SCN10A: variants seen among roughly 807,000 people sequenced by gnomAD.
SCN10A encodes the protein sodium voltage-gated channel alpha subunit 10.
A neutral mutation model predicts 170.7 loss-of-function variants in SCN10A; 162 were observed. That is an observed-to-expected ratio of 0.95 (90% CI 0.84 to 1.08). The LOEUF is 1.08. Among genes scored for constraint, SCN10A ranks in the 50% least tolerant of loss-of-function variants. SCN10A has a pLI of 0.00. For synonymous variants in SCN10A, 985 were observed against 904.6 expected (o/e 1.09, Z -1.59); for missense variants, 2,527 against 2,436.9 (o/e 1.04, Z -0.78).
In SCN10A at chr3:38,727,021, T is replaced by C; in HGVS notation, c.2672A>G (p.Asn891Ser). 1 of 1,612,452 alleles carries C rather than the reference T, an allele frequency of 6.2e-7. No homozygotes were observed. The highest frequency in any genetic ancestry group is 8.5e-7 in the Non-Finnish European group (1 of 1,178,858). ...TGTGAGGTTGTCAGCACTGAAAGAG[T>C]TCAATAGCAGGGCGATGAACAGGTT... Reference protein sequence around the residue: ...VLNLFIALLLNSFSADNLTAP... With the variant: ...VLNLFIALLLSSFSADNLTAP... Residue 891 changes from asparagine to serine, a missense_variant, in exon 17 of 28, where the codon AAC (asparagine) becomes AGC (serine). Asn to Ser is a conservative substitution (Grantham distance 46). Coordinates refer to ENST00000449082, the MANE Select transcript of SCN10A (RefSeq NM_006514.4).
intron 21 of SCN10A, 27 bp downstream of exon 21, chr3:38,718,626 C>A: frequency 2.5e-6 from 4 of 1,612,262 alleles, no homozygotes; most frequent in Non-Finnish European, 3.4e-6. Context: ...GACCCCAAAC[C>A]CCACGTGTTC....
chr3:38,732,155 T>C (rs1049491751), intron 15 of SCN10A, among the ~76,000 whole-genome samples: 1 of 152,250 alleles, frequency 6.6e-6, no homozygotes, highest in African/African-American at 2.4e-5. Flanking sequence ...ACTGGTCATA[T>C]AGTCTCCATT....
intron 1 of SCN10A, among the ~76,000 whole-genome samples, chr3:38,797,764 C>A (rs559526397): frequency 1.3e-5 from 2 of 152,274 alleles, no homozygotes; most frequent in African/African-American, 4.8e-5. Context: ...CACTGGAATG[C>A]AATGTTGAGG....
intron 26 of SCN10A, 43 bp downstream of exon 26, chr3:38,707,236 G>C: frequency 6.3e-7 from 1 of 1,592,302 alleles, no homozygotes. Context: ...TGTCATGTTG[G>C]ATTCACAGAC....
At chr3:38,756,317 G>C (rs985681290) in intron 10 of SCN10A, among the ~76,000 whole-genome samples, 4 of 151,892 alleles carry the variant, frequency 2.6e-5, no homozygotes, top group Admixed American at 6.6e-5. Flanking sequence ...AAAAAAGCTG[G>C]CCCCCTTGCC....
At chr3:38,701,005 C>G (rs140705012) in intron 27 of SCN10A, among the ~76,000 whole-genome samples, 1 of 152,132 alleles carries the variant, frequency 6.6e-6, no homozygotes, top group South Asian at 2.1e-4. Flanking sequence ...CAGCTTCAAC[C>G]CTTGGAAACT....
intron 4 of SCN10A, among the ~76,000 whole-genome samples, chr3:38,784,153 A>G (rs1011025364): frequency 1.3e-5 from 2 of 152,072 alleles, no homozygotes; most frequent in African/African-American, 2.4e-5. Flanking sequence ...TCTTAATTAT[A>G]GTATACTAAA....
chr3:38,739,420 A>T, intron 15 of SCN10A, 95 bp downstream of exon 15: 1 of 1,122,682 alleles, frequency 8.9e-7, no homozygotes, highest in Non-Finnish European at 1.3e-6. Context: ...AGGACAGGAG[A>T]GGAAGGGGGA....
At chr3:38,713,876 C>A in intron 22 of SCN10A, 82 bp downstream of exon 22, 1 of 1,561,878 alleles carries the variant, frequency 6.4e-7, no homozygotes, top group South Asian at 1.1e-5. Context: ...GATCCGCCCG[C>A]CTCAGCCTCC....
chr3:38,761,862 G>A (rs1460283810), intron 6 of SCN10A, among the ~76,000 whole-genome samples: 13 of 146,590 alleles, frequency 8.9e-5, no homozygotes, highest in African/African-American at 3.1e-4. Flanking sequence ...GAGAGAGAGA[G>A]AGAAAGAGAG....
intron 25 of SCN10A, among the ~76,000 whole-genome samples, 158 bp downstream of exon 25, chr3:38,709,320 C>T (rs968789275): frequency 8.5e-5 from 13 of 152,144 alleles, no homozygotes; most frequent in Non-Finnish European, 1.6e-4. Context: ...TGCAACTCTT[C>T]CTGCAACAGC....
At position 38,712,224 on chromosome 3, in the gene SCN10A, G is replaced by A; in HGVS notation, c.4026C>T (p.Phe1342=). The A allele has an allele frequency of 1.2e-6, 2 of 1,614,222 alleles. No homozygotes were observed. Among genetic ancestry groups the A allele is most frequent in the Non-Finnish European group, 1.7e-6 (2 of 1,180,034 alleles). ...CKIQNSTGSF[F]WVNVKVNFDN... Reference sequence around the variant, plus strand: ...CAAAGTTGACTTTCACATTGACCCAGAAGAAGCTGCCAGTGGAGTTTTGAA... The same window carrying A: ...CAAAGTTGACTTTCACATTGACCCAAAAGAAGCTGCCAGTGGAGTTTTGAA... The change falls in exon 23 of 28, where the codon TTC becomes TTT. Residue 1342 remains phenylalanine (F), a synonymous_variant. Transcript: ENST00000449082.
chr3:38,746,936 C>G (rs1440906731), intron 13 of SCN10A, among the ~76,000 whole-genome samples: 1 of 152,144 alleles, frequency 6.6e-6, no homozygotes, highest in African/African-American at 2.4e-5. Flanking sequence ...TTGTCAAACT[C>G]CTGTTGGTTT....
intron 4 of SCN10A, among the ~76,000 whole-genome samples, chr3:38,780,609 T>C (rs1351301879): frequency 1.3e-5 from 2 of 152,148 alleles, no homozygotes; most frequent in East Asian, 3.8e-4. Flanking sequence ...CTTAAATAAA[T>C]GTGACCATGT....
chr3:38,766,829 T>A (rs1447208567), intron 5 of SCN10A, among the ~76,000 whole-genome samples: 1 of 152,188 alleles, frequency 6.6e-6, no homozygotes, highest in East Asian at 1.9e-4. Context: ...GAATGTCTGA[T>A]AGAATTCAGC....
intron 5 of SCN10A, among the ~76,000 whole-genome samples, chr3:38,765,221 T>G (rs2063918718): frequency 6.6e-6 from 1 of 152,210 alleles, no homozygotes; most frequent in Non-Finnish European, 1.5e-5. Context: ...TTTAATTAGA[T>G]CCCATCTATT....
At chr3:38,719,603 C>T (rs1351837064) in intron 20 of SCN10A, among the ~76,000 whole-genome samples, 1 of 151,808 alleles carries the variant, frequency 6.6e-6, no homozygotes, top group Admixed American at 6.6e-5. Flanking sequence ...CCGTTTTAGC[C>T]GGGATGGTCT....
intron 4 of SCN10A, among the ~76,000 whole-genome samples, chr3:38,772,118 A>G (rs2064007818): frequency 6.6e-6 from 1 of 152,174 alleles, no homozygotes; most frequent in South Asian, 2.1e-4. Context: ...TTGCATACTG[A>G]AAAATGCATA....
At chr3:38,733,582 C>T (rs893651868) in intron 15 of SCN10A, among the ~76,000 whole-genome samples, 6 of 152,142 alleles carry the variant, frequency 3.9e-5, no homozygotes, top group African/African-American at 1.4e-4. Flanking sequence ...TTAATTTATG[C>T]TGTAATTTCT....
Sources: gnomAD v4.1 joint callset for allele counts (sites outside exome capture counted in the v4.1 genomes callset) on GRCh38, gnomAD v4.1.1 for gene constraint, MANE v1.5 for transcripts, NCBI Gene and HGNC (gene_info 2026-07-23, HGNC 2026-07-21) for gene names.